Variants in HLCS observed in about 807,000 individuals in gnomAD.
HLCS encodes the protein holocarboxylase synthetase.
In HLCS, 53 loss-of-function variants were observed where a neutral mutation model predicts 75.0. The observed-to-expected ratio is 0.71, with a 90% CI of 0.57 to 0.89. HLCS has a LOEUF of 0.89. Ranked by LOEUF, HLCS falls within the 40% of genes least tolerant of loss-of-function variation. The pLI is 0.00. For missense variants in HLCS, 966 were observed against 1,074.0 expected, an observed-to-expected ratio of 0.90 and a Z score of 1.41; for synonymous variants, 431 against 428.6, an observed-to-expected ratio of 1.01 and a Z score of -0.07.
At chr21:36,950,859 G>GC (rs2067638995) in intron 2 of HLCS, among the ~76,000 whole-genome samples, 1 of 152,134 alleles carries the variant, frequency 6.6e-6, no homozygotes, top group Non-Finnish European at 1.5e-5. Flanking sequence ...GTAAGCCACA[G>GC]CTATTGCAGA....
At chr21:36,783,180 A>T (rs745839123) in intron 6 of HLCS, among the ~76,000 whole-genome samples, 5 of 152,130 alleles carry the variant, frequency 3.3e-5, no homozygotes, top group Admixed American at 6.5e-5. Context: ...CTAGGCTCTC[A>T]AACAATGCTG....
intron 8 of HLCS, among the ~76,000 whole-genome samples, chr21:36,762,911 T>C (rs542517740): frequency 1.3e-5 from 2 of 152,360 alleles, no homozygotes; most frequent in Non-Finnish European, 2.9e-5. Flanking sequence ...GTCAGAGCCA[T>C]GAAAAAGCTA....
At chr21:36,949,404 T>A (rs1014718770) in intron 2 of HLCS, among the ~76,000 whole-genome samples, 5 of 152,202 alleles carry the variant, frequency 3.3e-5, no homozygotes, top group Non-Finnish European at 7.3e-5. Context: ...TTCTACTTCA[T>A]GTGGATCTCG....
intron 3 of HLCS, 66 bp downstream of exon 3, chr21:36,938,766 A>T: frequency 6.5e-7 from 1 of 1,545,696 alleles, no homozygotes; most frequent in Non-Finnish European, 8.9e-7. Context: ...GGCCTTCCAA[A>T]GTGCTGGGAT....
intron 3 of HLCS, among the ~76,000 whole-genome samples, chr21:36,938,090 TTGTG>T (rs1256942131): frequency 6.6e-6 from 1 of 152,198 alleles, no homozygotes; most frequent in African/African-American, 2.4e-5. Flanking sequence ...GAAGAACAGT[TTGTG>T]TGTTTCCTGA....
intron 1 of HLCS, among the ~76,000 whole-genome samples, chr21:36,988,822 T>C (rs1281134033): frequency 6.6e-6 from 1 of 152,056 alleles, no homozygotes; most frequent in Non-Finnish European, 1.5e-5. Flanking sequence ...GAAGGGCCAG[T>C]TTTATGTCAT....
Position 36,966,424 on chromosome 21 carries a change from C to CGGGG in HLCS, c.195+19_195+20insCCCC. On this transcript the variant is annotated intron_variant, in intron 1 of 10. Transcript: ENST00000674895. ...TCCGGCTCGCGGGGCCCGGGTCGCC[C>CGGGG]GCCCGCCCGACCCGCCCACCTGGCT... is the stretch of plus-strand genomic sequence containing the variant. 24 of 461,634 alleles carry CGGGG rather than the reference C, an allele frequency of 5.2e-5. No individual in the cohort carries two copies. The highest frequency in any genetic ancestry group is 9.0e-5 in the South Asian group (1 of 11,056). 28.6% of individuals were successfully genotyped at this position (461,634 alleles called of 1,614,324 possible).
At chr21:36,826,262 C>T (rs753287989) in intron 6 of HLCS, among the ~76,000 whole-genome samples, 33 of 152,162 alleles carry the variant, frequency 2.2e-4, no homozygotes, top group East Asian at 1.9e-4. Context: ...TGGCCCACTT[C>T]GGTGGCTGTT....
At chr21:36,981,636 G>A (rs2069124093) in intron 1 of HLCS, among the ~76,000 whole-genome samples, 1 of 152,002 alleles carries the variant, frequency 6.6e-6, no homozygotes, top group African/African-American at 2.4e-5. Context: ...CTGACCTCAG[G>A]TGATCCACCC....
intron 5 of HLCS, among the ~76,000 whole-genome samples, chr21:36,904,420 G>GT (rs2065364364): frequency 6.6e-6 from 1 of 152,164 alleles, no homozygotes; most frequent in South Asian, 2.1e-4. Context: ...AGGCATGCAG[G>GT]TTTTTTTCTT....
chr21:36,950,632 G>T (rs1485738915), intron 2 of HLCS, among the ~76,000 whole-genome samples: 1 of 107,388 alleles, frequency 9.3e-6, no homozygotes, highest in Non-Finnish European at 2.0e-5. Context: ...ACCATGCCTG[G>T]CTAAATTTTT....
At chr21:36,927,763 G>A (rs1453370889) in intron 5 of HLCS, among the ~76,000 whole-genome samples, 1 of 152,224 alleles carries the variant, frequency 6.6e-6, no homozygotes, top group Non-Finnish European at 1.5e-5. Context: ...CAACTTTATA[G>A]TTCTAGGGTC....
Position 36,974,674 on chromosome 21 carries a change from T to C in HLCS, c.-392-12504A>G, listed in dbSNP as rs370144482. The C allele has an allele frequency of 5.3e-5, 8 of 152,312 alleles. No individual in the cohort carries two copies. The East Asian group carries it at 1.4e-3, about 26-fold the overall frequency. The allele number at this position is 152,312 out of a possible 1,614,324, so 9.4% of individuals were successfully genotyped here. A position where few individuals can be genotyped will look rare whatever the true frequency, so the allele number is the denominator to read the frequency against. On this transcript the variant is annotated intron_variant, in intron 1 of 11. Transcript: ENST00000336648. ...AATGAGGTCATCACCTAATCTGTTA[T>C]GACTGGTATCCTTATAAGGAGAGGA...
Position 36,840,814 on chromosome 21 carries a change from T to C in HLCS, c.1892+56046A>G, listed in dbSNP as rs567127720. Among the ~76,000 whole-genome samples, 6 of 152,252 alleles carry C rather than the reference T, an allele frequency of 3.9e-5. No homozygotes were observed. In the South Asian group the frequency reaches 1.2e-3, roughly 32 times the overall value. ...TTTTAGTAGAGATGGGGTTTCACCA[T>C]GTTGGCCAGGCTGGTCTTGAACTCT... On this transcript the variant is annotated intron_variant, in intron 6 of 10. Transcript: ENST00000674895.
At chr21:36,869,449 T>C (rs1463687789) in intron 6 of HLCS, among the ~76,000 whole-genome samples, 1 of 152,186 alleles carries the variant, frequency 6.6e-6, no homozygotes, top group Non-Finnish European at 1.5e-5. Context: ...TGTTTAATTT[T>C]AGATGAGTTT....
At chr21:36,756,068 G>A (rs1440324182) in intron 10 of HLCS, among the ~76,000 whole-genome samples, 2 of 152,176 alleles carry the variant, frequency 1.3e-5, no homozygotes, top group East Asian at 3.8e-4. Flanking sequence ...ACTTGGTCAA[G>A]GTGGTGTCCC....
chr21:36,855,058 T>C (rs1382794077), intron 6 of HLCS, among the ~76,000 whole-genome samples: 1 of 152,104 alleles, frequency 6.6e-6, no homozygotes, highest in African/African-American at 2.4e-5. Context: ...GCCCAAGACC[T>C]TGCAGCCATC....
chr21:36,769,475 T>C (rs535309469), intron 6 of HLCS, among the ~76,000 whole-genome samples: 3 of 152,326 alleles, frequency 2.0e-5, no homozygotes, highest in African/African-American at 7.2e-5. Flanking sequence ...TAGCGGATGA[T>C]GTCCTTACAA....
chr21:36,986,764 A>G (rs1165026469), intron 1 of HLCS: 2 of 152,208 alleles, frequency 1.3e-5, no homozygotes, highest in Admixed American at 6.6e-5. Context: ...TGCAGTAGTG[A>G]GAAGGGGGAA....
Sources: gnomAD v4.1 joint callset for allele counts (sites outside exome capture counted in the v4.1 genomes callset) on GRCh38, gnomAD v4.1.1 for gene constraint, MANE v1.5 for transcripts, NCBI Gene and HGNC (gene_info 2026-07-23, HGNC 2026-07-21) for gene names.